Variants in TNS3 observed in about 807,000 individuals in gnomAD.
TNS3 encodes the protein tensin 3, also known as tensin-3.
TNS3 carries 45 observed loss-of-function variants against 140.9 expected under a neutral mutation model. The ratio of observed to expected loss-of-function variants is 0.32; its 90% CI spans 0.25 to 0.41. The LOEUF (loss-of-function observed/expected upper bound fraction) is 0.41. Ranked by LOEUF, TNS3 falls within the 10% of genes least tolerant of loss-of-function variation. The pLI is 1.00. For synonymous variants in TNS3, 815 were observed against 788.4 expected (o/e 1.03, Z -0.56); for missense variants, 1,716 against 1,906.7 (o/e 0.90, Z 1.86).
At chr7:47,279,813 CA>C (rs1204002025) in intron 30 of TNS3, 1 of 337,050 alleles carries the variant, frequency 3.0e-6, no homozygotes, top group African/African-American at 2.1e-5. Flanking sequence ...TTCATCCACA[CA>C]CCTGCACAAA....
At chr7:47,527,541 GACAAGCTAT>G (rs1333667316) in intron 2 of TNS3, among the ~76,000 whole-genome samples, 1 of 152,204 alleles carries the variant, frequency 6.6e-6, no homozygotes, top group Non-Finnish European at 1.5e-5. Flanking sequence ...TCCTGAACTG[GACAAGCTAT>G]GCAGGGGAAT....
intron 3 of TNS3, among the ~76,000 whole-genome samples, chr7:47,491,710 T>C (rs533153140): frequency 1.3e-5 from 2 of 152,300 alleles, no homozygotes; most frequent in Admixed American, 6.5e-5. Flanking sequence ...TTCATGATAA[T>C]ACTTAACCAG....
chr7:47,414,130 G>A (rs991810534), intron 11 of TNS3, 133 bp from the exon 12 acceptor site: 37 of 872,698 alleles, frequency 4.2e-5, no homozygotes, highest in Middle Eastern at 2.3e-4. Flanking sequence ...TGGGAAAGCA[G>A]TGCATGGAGC....
At chr7:47,396,205 TG>T (rs1243551681) in intron 16 of TNS3, among the ~76,000 whole-genome samples, 2 of 152,216 alleles carry the variant, frequency 1.3e-5, no homozygotes, top group Non-Finnish European at 2.9e-5. Flanking sequence ...TTGTGTCTTG[TG>T]GAGATTCCAG....
chr7:47,347,928 T>C (rs1356926306), intron 17 of TNS3, among the ~76,000 whole-genome samples: 1 of 152,152 alleles, frequency 6.6e-6, no homozygotes, highest in Non-Finnish European at 1.5e-5. Flanking sequence ...TGAAATGGCA[T>C]ATCTGAGAGT....
chr7:47,321,438 G>A (rs916922688), intron 20 of TNS3, among the ~76,000 whole-genome samples: 1 of 152,210 alleles, frequency 6.6e-6, no homozygotes, highest in Non-Finnish European at 1.5e-5. Flanking sequence ...CAAAACTCAC[G>A]AATACAGAGG....
At chr7:47,549,079 AT>A (rs796618985) in intron 1 of TNS3, among the ~76,000 whole-genome samples, 18 of 152,364 alleles carry the variant, frequency 1.2e-4, no homozygotes, top group African/African-American at 4.3e-4. Context: ...TGAACTGACC[AT>A]CTCTGTGCAT....
chr7:47,336,635 T>C (rs915578357), intron 20 of TNS3, among the ~76,000 whole-genome samples: 1 of 152,218 alleles, frequency 6.6e-6, no homozygotes, highest in Non-Finnish European at 1.5e-5. Flanking sequence ...GGAAGCCTTA[T>C]GGCTAAACTA....
At chr7:47,329,836 G>A (rs1354650234) in intron 20 of TNS3, among the ~76,000 whole-genome samples, 1 of 152,112 alleles carries the variant, frequency 6.6e-6, no homozygotes, top group Non-Finnish European at 1.5e-5. Flanking sequence ...TCCCTCCGTG[G>A]AACTGTGGGC....
chr7:47,348,613 A>G (rs1245452794), intron 17 of TNS3, among the ~76,000 whole-genome samples: 1 of 152,242 alleles, frequency 6.6e-6, no homozygotes, highest in Non-Finnish European at 1.5e-5. Flanking sequence ...CATTGTATAC[A>G]TTTATCAAAA....
At chr7:47,373,774 T>C (rs990158405) in intron 16 of TNS3, among the ~76,000 whole-genome samples, 2 of 152,216 alleles carry the variant, frequency 1.3e-5, no homozygotes, top group Non-Finnish European at 2.9e-5. Flanking sequence ...CCGGTGAATA[T>C]TGAGTGACAG....
chr7:47,386,247 T>TA (rs1450748416), intron 16 of TNS3, among the ~76,000 whole-genome samples: 28 of 152,336 alleles, frequency 1.8e-4, no homozygotes, highest in African/African-American at 6.7e-4. Context: ...ACCTAGGCCC[T>TA]ATCAACTGGA....
chr7:47,413,962 G>T lies in TNS3; in HGVS notation c.622C>A (p.Gln208Lys), dbSNP rs554253330. The change falls in exon 12 of 31, where the codon CAG (glutamine) becomes AAG (lysine). Residue 208 changes from glutamine to lysine, a missense_variant. Gln to Lys is a moderately conservative substitution (Grantham distance 53). This residue lies in a region of TNS3 where 337 missense variants were observed against 428.9 expected (regional missense o/e 0.79). Transcript: ENST00000311160. ...TAGATCCCGGAGGTGTACACAGGCTGCATGGCTTGGTAGAGCTTCAGAAAG... is the reference window on the plus strand; with the variant it reads ...TAGATCCCGGAGGTGTACACAGGCTTCATGGCTTGGTAGAGCTTCAGAAAG... Reference protein sequence around the residue: ...RPFLKLYQAMQPVYTSGIYNV... With the variant: ...RPFLKLYQAMKPVYTSGIYNV... 72 of 1,613,778 alleles carry T rather than the reference G, an allele frequency of 4.5e-5. No homozygotes were observed. The highest frequency in any genetic ancestry group is 5.0e-5 in the Non-Finnish European group (59 of 1,180,000).
At chr7:47,494,178 C>T (rs1183390345) in intron 3 of TNS3, among the ~76,000 whole-genome samples, 1 of 152,168 alleles carries the variant, frequency 6.6e-6, no homozygotes, top group Non-Finnish European at 1.5e-5. Flanking sequence ...AATTCAAAAC[C>T]TAAGGATTAC....
intron 4 of TNS3, among the ~76,000 whole-genome samples, chr7:47,461,565 C>T (rs1796491848): frequency 6.6e-6 from 1 of 152,216 alleles, no homozygotes; most frequent in Non-Finnish European, 1.5e-5. Flanking sequence ...ATTGTTACTA[C>T]TGAGGAGCCG....
At chr7:47,456,747 C>T (rs1796262577) in intron 4 of TNS3, among the ~76,000 whole-genome samples, 1 of 152,034 alleles carries the variant, frequency 6.6e-6, no homozygotes, top group Admixed American at 6.6e-5. Context: ...CAACACAGCC[C>T]ACGAGACATT....
intron 4 of TNS3, chr7:47,453,150 T>C: frequency 1.0e-6 from 1 of 985,604 alleles, no homozygotes; most frequent in Non-Finnish European, 1.2e-6. Flanking sequence ...CAGGAGCAGC[T>C]GGCAGGTGTG....
chr7:47,275,569 TG>T lies in TNS3; in HGVS notation c.*2506del, dbSNP rs1784837919. The T allele has an allele frequency of 6.1e-6, 2 of 328,422 alleles. No homozygotes were observed. 20.3% of individuals were successfully genotyped at this position (328,422 alleles called of 1,614,324 possible). A position where few individuals can be genotyped will look rare whatever the true frequency, so the allele number is the denominator to read the frequency against. Reference sequence around the variant, plus strand: ...GTGGCCCTAGAGCCGGTGTCCACGGTGGGGGCTCTCTCACGGTTTCTGAGCC... The same window carrying T: ...GTGGCCCTAGAGCCGGTGTCCACGGTGGGGCTCTCTCACGGTTTCTGAGCC... On this transcript the variant is annotated 3_prime_UTR_variant, in exon 31 of 31. Transcript: ENST00000311160.
At chr7:47,365,530 G>A (rs902652634) in intron 17 of TNS3, among the ~76,000 whole-genome samples, 5 of 152,018 alleles carry the variant, frequency 3.3e-5, no homozygotes, top group Admixed American at 6.6e-5. Context: ...TTGGGAAGCC[G>A]AGGGGGGCGG....
Sources: allele counts gnomAD v4.1 joint callset (sites outside exome capture counted in the v4.1 genomes callset), GRCh38; gene constraint gnomAD v4.1.1; regional missense constraint gnomAD v4.1.1; transcripts MANE v1.5; gene names NCBI Gene and HGNC (gene_info 2026-07-23, HGNC 2026-07-21).